Variants in LEPR observed in about 807,000 individuals in gnomAD.
LEPR encodes the protein leptin receptor.
LEPR carries 56 observed loss-of-function variants against 114.7 expected under a neutral mutation model. The observed-to-expected ratio is 0.49, with a 90% CI of 0.39 to 0.61. The LOEUF is 0.61. LEPR is among the 20% of genes least tolerant of loss of function. The pLI is 0.00. For synonymous variants in LEPR, 443 were observed against 461.4 expected (o/e 0.96, Z 0.51); for missense variants, 1,202 against 1,352.9 (o/e 0.89, Z 1.75).
chr1:65,528,850 G>T (rs1650162028), intron 2 of LEPR, among the ~76,000 whole-genome samples: 5 of 152,110 alleles, frequency 3.3e-5, no homozygotes, highest in Admixed American at 3.3e-4. Context: ...TGTCGCCCAG[G>T]TTGGAGTGCA....
intron 2 of LEPR, among the ~76,000 whole-genome samples, chr1:65,552,598 G>T (rs1652479675): frequency 6.6e-6 from 1 of 152,024 alleles, no homozygotes; most frequent in Non-Finnish European, 1.5e-5. Context: ...GAGCCTATGT[G>T]TCTCACATGC....
chr1:65,491,251 A>C (rs565615328), intron 2 of LEPR, among the ~76,000 whole-genome samples: 1 of 152,114 alleles, frequency 6.6e-6, no homozygotes, highest in Non-Finnish European at 1.5e-5. Context: ...AGTGTTTGTC[A>C]TATGCTTAAA....
At chr1:65,439,821 T>C (rs1346175424) in intron 2 of LEPR, among the ~76,000 whole-genome samples, 7 of 77,444 alleles carry the variant, frequency 9.0e-5, no homozygotes, top group Non-Finnish European at 1.2e-4. Context: ...AGAGTGAAAC[T>C]CCATCTCAAA....
At chr1:65,605,001 A>T (rs752016101) in intron 10 of LEPR, 37 bp from the exon 11 acceptor site, 3 of 1,603,478 alleles carry the variant, frequency 1.9e-6, no homozygotes, top group Middle Eastern at 2.2e-4. Context: ...TGCTTTTATT[A>T]ATGTATACTA....
At position 65,454,503 on chromosome 1, in the gene LEPR, G is replaced by T. The variant is rs550726465; in HGVS notation, c.-21+29125G>T. 3.9e-5 allele frequency among the ~76,000 whole-genome samples: 6 copies of T among 152,106 alleles called. No homozygotes were observed. In the South Asian group the frequency reaches 1.0e-3, roughly 26 times the overall value. ...GTGGTGACAAAATCTCTCAGCATTT[G>T]CTTGTCTGTAAAGTATTTTATTTCC... On this transcript the variant is annotated intron_variant, in intron 2 of 19. Coordinates refer to ENST00000349533, the MANE Select transcript of LEPR (RefSeq NM_002303.6).
intron 19 of LEPR, among the ~76,000 whole-genome samples, chr1:65,635,971 T>G (rs998782637): frequency 7.2e-5 from 11 of 152,154 alleles, no homozygotes; most frequent in African/African-American, 2.4e-4. Flanking sequence ...TTGGAAGAAC[T>G]CAAGTCTAAG....
At position 65,572,310 on chromosome 1, in the gene LEPR, T is replaced by G. The variant is rs769307470; in HGVS notation, c.371-16T>G. 83 of 1,457,018 alleles carry G rather than the reference T, an allele frequency of 5.7e-5. No homozygotes were observed. The highest frequency in any genetic ancestry group is 2.1e-4 in the Middle Eastern group (1 of 4,654). The allele number at this position is 1,457,018 out of a possible 1,614,324, so 90.3% of individuals were successfully genotyped here. ...TAGTTGTTTTTTTTTTTTTTTTTTT[T>G]TTTTTTTAAATTCAGATGCAAACTG... is the stretch of plus-strand genomic sequence containing the variant. On this transcript the variant is annotated splice_polypyrimidine_tract_variant and intron_variant, in intron 4 of 19. Transcript: ENST00000349533.
chr1:65,447,533 T>C (rs868408159), intron 2 of LEPR, among the ~76,000 whole-genome samples: 2 of 147,242 alleles, frequency 1.4e-5, no homozygotes, highest in African/African-American at 2.5e-5. Context: ...ATTTTTCTTT[T>C]CTTTTTTTTT....
intron 2 of LEPR, among the ~76,000 whole-genome samples, chr1:65,518,842 TTTTC>T (rs1230859702): frequency 2.7e-5 from 4 of 147,094 alleles, no homozygotes; most frequent in African/African-American, 5.2e-5. Flanking sequence ...CTTTTTTCTT[TTTTC>T]TTTTTCTCTT....
chr1:65,427,560 T>C (rs1208156677), intron 2 of LEPR, among the ~76,000 whole-genome samples: 1 of 152,124 alleles, frequency 6.6e-6, no homozygotes, highest in Non-Finnish European at 1.5e-5. Flanking sequence ...CTTTGTCTCT[T>C]AAATAAAAAA....
intron 1 of LEPR, among the ~76,000 whole-genome samples, chr1:65,422,181 T>C (rs776506212): frequency 6.6e-6 from 1 of 152,200 alleles, no homozygotes; most frequent in Non-Finnish European, 1.5e-5. Context: ...CAAATTAAAA[T>C]GATAACTGGT....
intron 2 of LEPR, among the ~76,000 whole-genome samples, chr1:65,467,720 TACACTGTGAGCTACTCA>T (rs1647033027): frequency 6.6e-6 from 1 of 152,234 alleles, no homozygotes; most frequent in Non-Finnish European, 1.5e-5. Context: ...CCTCTTTGTT[TACACTGTGAGCTACTCA>T]AGGCTCAGCA....
chr1:65,605,094 A>G lies in LEPR; in HGVS notation c.1460A>G (p.Asp487Gly). 6.2e-7 allele frequency: 1 copy of G among 1,614,086 alleles called. No homozygotes were observed. Among genetic ancestry groups the G allele is most frequent in the Non-Finnish European group, 8.5e-7 (1 of 1,180,010 alleles). ...PSIHPISEPK[D>G]CYLQSDGFYE... ...ATTCATCCCATATCTGAGCCCAAAG[A>G]TTGCTATTTGCAGAGTGATGGTTTT... is the stretch of plus-strand genomic sequence containing the variant. Residue 487 changes from aspartate (D) to glycine (G), a missense_variant, in exon 11 of 20, where the codon GAT becomes GGT. By Grantham distance (94) the Asp-to-Gly change is moderately conservative. Coordinates refer to ENST00000349533, the MANE Select transcript of LEPR (RefSeq NM_002303.6).
chr1:65,474,472 T>C (rs1331560906), intron 2 of LEPR, among the ~76,000 whole-genome samples: 1 of 152,194 alleles, frequency 6.6e-6, no homozygotes, highest in African/African-American at 2.4e-5. Flanking sequence ...TACAGAGAAA[T>C]TCCTCATCTG....
chr1:65,446,857 G>C (rs1287093916), intron 2 of LEPR, among the ~76,000 whole-genome samples: 2 of 151,878 alleles, frequency 1.3e-5, no homozygotes, highest in East Asian at 3.9e-4. Context: ...TTTGAGACAG[G>C]GTCTCACTCT....
intron 19 of LEPR, chr1:65,629,296 C>T: frequency 2.3e-6 from 1 of 425,696 alleles, no homozygotes; most frequent in South Asian, 1.7e-5. Flanking sequence ...CCTCTACTTT[C>T]CAATCTCTAA....
chr1:65,446,987 A>T (rs1220994782), intron 2 of LEPR, among the ~76,000 whole-genome samples: 2 of 152,050 alleles, frequency 1.3e-5, no homozygotes, highest in Admixed American at 1.3e-4. Flanking sequence ...GCCCACCACC[A>T]TGCCTGGCTA....
chr1:65,438,134 T>TC (rs1553152227), intron 2 of LEPR, among the ~76,000 whole-genome samples: 37 of 149,580 alleles, frequency 2.5e-4, no homozygotes, highest in African/African-American at 9.1e-4. Context: ...TTTTTTTTTT[T>TC]CAAAAAATAT....
At chr1:65,612,718 T>C (rs1400551588) in intron 14 of LEPR, among the ~76,000 whole-genome samples, 1 of 150,964 alleles carries the variant, frequency 6.6e-6, no homozygotes, top group Non-Finnish European at 1.5e-5. Flanking sequence ...TGAGAAGTAC[T>C]GGTTGGGTAT....
Sources: allele counts gnomAD v4.1 joint callset (sites outside exome capture counted in the v4.1 genomes callset), GRCh38; gene constraint gnomAD v4.1.1; transcripts MANE v1.5; gene names NCBI Gene and HGNC (gene_info 2026-07-23, HGNC 2026-07-21).